The following KCNH7 variants were observed in gnomAD, a reference collection of about 807,000 sequenced individuals.
KCNH7 encodes the protein potassium voltage-gated channel subfamily H member 7.
In KCNH7, 49 loss-of-function variants were observed where a neutral mutation model predicts 120.8. That is an observed-to-expected ratio of 0.41 (90% CI 0.32 to 0.51). The LOEUF is 0.51. Among genes scored for constraint, KCNH7 ranks in the 20% least tolerant of loss-of-function variants. The pLI is 0.38. For missense variants in KCNH7, 1,097 were observed against 1,446.6 expected, an observed-to-expected ratio of 0.76 and a Z score of 3.92; for synonymous variants, 547 against 516.1, an observed-to-expected ratio of 1.06 and a Z score of -0.81.
At chr2:162,741,299 CAT>C (rs1384297557) in intron 2 of KCNH7, among the ~76,000 whole-genome samples, 33 of 149,160 alleles carry the variant, frequency 2.2e-4, no homozygotes, top group African/African-American at 6.1e-4. Context: ...ATATTAATAA[CAT>C]ATGTTATTAA....
intron 2 of KCNH7, among the ~76,000 whole-genome samples, chr2:162,550,666 T>A (rs1040701628): frequency 6.6e-6 from 1 of 152,094 alleles, no homozygotes; most frequent in Non-Finnish European, 1.5e-5. Flanking sequence ...TTCTTGTGAA[T>A]AGTTCTGTCA....
At position 162,437,057 on chromosome 2, in the gene KCNH7, A is replaced by G. The variant is rs373316829; in HGVS notation, c.1555-1460T>C. On this transcript the variant is annotated intron_variant, in intron 7 of 15. Transcript: ENST00000332142. The stretch of plus-strand genomic sequence containing the variant: ...GATCACTTGAGCCCAGGAATTTGAG[A>G]TTGCAGTGAGCTATTATTGTGCCAC... Among the ~76,000 whole-genome samples the G allele has an allele frequency of 1.7e-3, 256 of 152,224 alleles. 2 individuals carry two copies. The highest frequency in any genetic ancestry group is 0.016 in the South Asian group (76 of 4,828).
chr2:162,665,997 C>CT (rs970455150), intron 2 of KCNH7, among the ~76,000 whole-genome samples: 1 of 152,080 alleles, frequency 6.6e-6, no homozygotes, highest in Non-Finnish European at 1.5e-5. Context: ...TAGAGAAAAA[C>CT]TTTTTTTCAT....
intron 2 of KCNH7, among the ~76,000 whole-genome samples, chr2:162,775,802 C>G (rs1007271383): frequency 2.6e-5 from 4 of 152,148 alleles, no homozygotes; most frequent in Non-Finnish European, 4.4e-5. Context: ...TAGACTTGCT[C>G]TATACTGTGT....
intron 1 of KCNH7, among the ~76,000 whole-genome samples, chr2:162,837,019 A>G (rs1436427994): frequency 6.6e-6 from 1 of 152,216 alleles, no homozygotes; most frequent in Non-Finnish European, 1.5e-5. Flanking sequence ...AGAATTTCCC[A>G]AATAGACTAG....
intron 2 of KCNH7, among the ~76,000 whole-genome samples, chr2:162,557,292 A>C (rs1692889241): frequency 6.6e-6 from 1 of 152,204 alleles, no homozygotes; most frequent in Non-Finnish European, 1.5e-5. Flanking sequence ...TCAGAGAATG[A>C]TGCCTAAGTT....
intron 6 of KCNH7, among the ~76,000 whole-genome samples, chr2:162,488,326 G>A (rs1269159823): frequency 2.6e-5 from 4 of 152,138 alleles, no homozygotes; most frequent in Admixed American, 2.0e-4. Flanking sequence ...AACTTTTAAA[G>A]GATATGATAT....
At chr2:162,763,015 G>T (rs1689019095) in intron 2 of KCNH7, among the ~76,000 whole-genome samples, 1 of 151,974 alleles carries the variant, frequency 6.6e-6, no homozygotes, top group African/African-American at 2.4e-5. Context: ...ATAATACAAT[G>T]GATAGAACAG....
chr2:162,732,089 A>G (rs1687749213), intron 2 of KCNH7, among the ~76,000 whole-genome samples: 1 of 152,168 alleles, frequency 6.6e-6, no homozygotes, highest in African/African-American at 2.4e-5. Flanking sequence ...CTCTGTGGCC[A>G]TAGGGATATC....
At chr2:162,442,008 T>C (rs1305155236) in intron 7 of KCNH7, among the ~76,000 whole-genome samples, 23 of 92,158 alleles carry the variant, frequency 2.5e-4, no homozygotes, top group Admixed American at 8.5e-4. Context: ...TCTTTTTTTT[T>C]TTTTTTTTTT....
At chr2:162,755,055 C>T (rs1201428882) in intron 2 of KCNH7, among the ~76,000 whole-genome samples, 1 of 152,116 alleles carries the variant, frequency 6.6e-6, no homozygotes, top group Non-Finnish European at 1.5e-5. Context: ...GATTCTCTGA[C>T]AGTTTTTTCT....
chr2:162,572,974 C>T (rs1327943283), intron 2 of KCNH7, among the ~76,000 whole-genome samples: 2 of 151,962 alleles, frequency 1.3e-5, no homozygotes, highest in African/African-American at 4.8e-5. Context: ...GTGCAGTGCA[C>T]CAGCATGGCA....
chr2:162,612,256 G>A (rs1174161912), intron 2 of KCNH7, among the ~76,000 whole-genome samples: 1 of 152,150 alleles, frequency 6.6e-6, no homozygotes, highest in Non-Finnish European at 1.5e-5. Context: ...TGGCAACTAA[G>A]AGGATTGAAT....
intron 9 of KCNH7, among the ~76,000 whole-genome samples, chr2:162,419,796 T>C (rs1687647141): frequency 6.6e-6 from 1 of 152,190 alleles, no homozygotes. Flanking sequence ...CTGTGTGTGA[T>C]GTGAGGCCAC....
intron 2 of KCNH7, among the ~76,000 whole-genome samples, chr2:162,634,024 A>G (rs1024287505): frequency 1.3e-5 from 2 of 152,020 alleles, no homozygotes; most frequent in Non-Finnish European, 2.9e-5. Context: ...TTCCTAGAAT[A>G]TGTATTTATC....
In KCNH7 at chr2:162,405,046, A is replaced by G. The variant is rs1687168288; in HGVS notation, c.2155-4605T>C. Reference sequence around the variant, plus strand: ...TAAGAATTCATTTAAGGTAAATAAAAAGCTCTAATTTCATTTCTCAAATAC... The same window carrying G: ...TAAGAATTCATTTAAGGTAAATAAAGAGCTCTAATTTCATTTCTCAAATAC... On this transcript the variant is annotated intron_variant, in intron 9 of 15. Transcript: ENST00000332142. Among the ~76,000 whole-genome samples, 3 of 152,066 alleles carry G rather than the reference A, an allele frequency of 2.0e-5. No individual in the cohort carries two copies. In the South Asian group the frequency reaches 6.2e-4, roughly 31 times the overall value.
chr2:162,613,312 A>C (rs1442607314), intron 2 of KCNH7, among the ~76,000 whole-genome samples: 1 of 152,070 alleles, frequency 6.6e-6, no homozygotes, highest in Non-Finnish European at 1.5e-5. Flanking sequence ...GTCAGGAGAC[A>C]GTAGAACAAT....
At chr2:162,372,225 A>C (rs956319957) in intron 15 of KCNH7, 130 bp from the exon 16 acceptor site, 2 of 726,888 alleles carry the variant, frequency 2.8e-6, no homozygotes, top group African/African-American at 1.8e-5. Flanking sequence ...ATTAGCCAAC[A>C]TTTCCCTCCT....
intron 2 of KCNH7, among the ~76,000 whole-genome samples, chr2:162,545,019 C>T (rs1026346594): frequency 6.6e-6 from 1 of 152,170 alleles, no homozygotes; most frequent in Non-Finnish European, 1.5e-5. Context: ...CCATGTGCCA[C>T]ATGTTTCTCA....
Sources: gnomAD v4.1 joint callset for allele counts (sites outside exome capture counted in the v4.1 genomes callset) on GRCh38, gnomAD v4.1.1 for gene constraint, MANE v1.5 for transcripts, NCBI Gene and HGNC (gene_info 2026-07-23, HGNC 2026-07-21) for gene names.